The following KIFC2 variants were observed in gnomAD, a reference collection of about 807,000 sequenced individuals.
The protein encoded by KIFC2 is kinesin-like protein KIFC2.
KIFC2 carries 94 observed loss-of-function variants against 91.5 expected under a neutral mutation model. The observed-to-expected ratio is 1.03, with a 90% CI of 0.87 to 1.22. The LOEUF is 1.22. KIFC2 is among the 50% of genes most tolerant of loss of function. The pLI is 0.00. For missense variants in KIFC2, 1,357 were observed against 1,103.3 expected (o/e 1.23, Z -3.26); for synonymous variants, 729 against 503.9 (o/e 1.45, Z -5.98).
In KIFC2 at chr8:144,467,475, C is replaced by A. The variant is rs146057351; in HGVS notation, c.470-10C>A. ...CCTCTTCAGTGCTAACTGGGCCCACCCTACTCCAGGATCCACATCCCAAGA... is the reference window on the plus strand; with the variant it reads ...CCTCTTCAGTGCTAACTGGGCCCACACTACTCCAGGATCCACATCCCAAGA... On this transcript the variant is annotated splice_polypyrimidine_tract_variant and intron_variant, in intron 4 of 17. Transcript: ENST00000645548. The A allele has an allele frequency of 2.6e-6, 4 of 1,554,800 alleles. No individual in the cohort carries two copies. Among genetic ancestry groups the A allele is most frequent in the Non-Finnish European group, 1.7e-6 (2 of 1,153,652 alleles).
chr8:144,468,485 C>A, intron 8 of KIFC2, 51 bp from the exon 9 acceptor site: 1 of 1,309,238 alleles, frequency 7.6e-7, no homozygotes, highest in Non-Finnish European at 1.0e-6. Flanking sequence ...TGAGGCAGGG[C>A]CTGGTAAGTG....
intron 12 of KIFC2, 67 bp from the exon 13 acceptor site, chr8:144,471,875 C>T (rs1280264120): frequency 1.6e-5 from 23 of 1,436,414 alleles, no homozygotes; most frequent in Non-Finnish European, 2.2e-5. Flanking sequence ...CACTCCCCAC[C>T]CCACCAAATA....
In KIFC2 at chr8:144,473,279, C is replaced by G. The variant is rs761675816; in HGVS notation, c.2266C>G (p.Leu756Val). The G allele has an allele frequency of 1.9e-6, 3 of 1,606,172 alleles. No homozygotes were observed. The highest frequency in any genetic ancestry group is 4.5e-5 in the East Asian group (2 of 44,506). ...TPSSLSTDTP[L>V]TGTPCTPTPS... ...TTCTTCCCTCAGCACCGACACTCCG[C>G]TCACCGGGACCCCCTGCACCCCTAC... Residue 756 changes from leucine (L) to valine (V), a missense_variant, in exon 18 of 18, where the codon CTC (leucine) becomes GTC (valine). Leu to Val is a conservative substitution (Grantham distance 32, BLOSUM62 1). Transcript: ENST00000645548.
In KIFC2 at chr8:144,469,484, C is replaced by T; in HGVS notation, c.1223-6C>T. 1.2e-6 allele frequency: 2 copies of T among 1,613,998 alleles called. No homozygotes were observed. Among genetic ancestry groups the T allele is most frequent in the Non-Finnish European group, 1.7e-6 (2 of 1,180,012 alleles). ...AGGCATTATGCTGACCTGATCCCCACTGCAGGAAATATCCGTGTGCTGTGT... is the reference window on the plus strand; with the variant it reads ...AGGCATTATGCTGACCTGATCCCCATTGCAGGAAATATCCGTGTGCTGTGT... On this transcript the variant is annotated splice_region_variant and splice_polypyrimidine_tract_variant and intron_variant, in intron 11 of 17. Transcript: ENST00000645548.
Position 144,468,263 on chromosome 8 carries a change from C to T in KIFC2, c.811-66C>T, listed in dbSNP as rs1008015424. 20 of 1,430,198 alleles carry T rather than the reference C, an allele frequency of 1.4e-5. No homozygotes were observed. In the Middle Eastern group the frequency reaches 5.2e-4, roughly 37 times the overall value. 88.6% of individuals were successfully genotyped at this position (1,430,198 alleles called of 1,614,324 possible). A position where few individuals can be genotyped will look rare whatever the true frequency, so the allele number is the denominator to read the frequency against. On this transcript the variant is annotated intron_variant, in intron 7 of 17. Coordinates refer to ENST00000645548, the MANE Select transcript of KIFC2 (RefSeq NM_001369769.2). ...CTGCCCACCTCTTGACTTGACTTTC[C>T]CATCTGTGAAATGGTACCACAGACC...
intron 11 of KIFC2, 52 bp downstream of exon 11, chr8:144,469,431 G>A (rs1488016970): frequency 1.2e-6 from 2 of 1,612,660 alleles, no homozygotes; most frequent in Middle Eastern, 1.7e-4. Context: ...TGGAAGAAGT[G>A]CAGCTTCTCT....
Position 144,473,448 on chromosome 8 carries a change from T to C in KIFC2, c.*59T>C. 1.3e-6 allele frequency: 2 copies of C among 1,518,376 alleles called. No homozygotes were observed. Among genetic ancestry groups the C allele is most frequent in the Non-Finnish European group, 1.8e-6 (2 of 1,137,248 alleles). The allele number at this position is 1,518,376 out of a possible 1,614,324, so 94.1% of individuals were successfully genotyped here. On this transcript the variant is annotated 3_prime_UTR_variant, in exon 18 of 18. Coordinates refer to ENST00000645548, the MANE Select transcript of KIFC2 (RefSeq NM_001369769.2). The stretch of plus-strand genomic sequence containing the variant: ...GCCAGGTCTCTGCTGGCAGAGGCGG[T>C]AGTAAAGTCCCTGTACCCCGTCTCC...
In KIFC2 at chr8:144,474,183, G is replaced by A. The variant is rs192907579; in HGVS notation, c.*794G>A. 685 of 1,386,196 alleles carry A rather than the reference G, an allele frequency of 4.9e-4. 6 individuals are homozygous for A. In the East Asian group the frequency reaches 0.016, roughly 32 times the overall value. 85.9% of individuals were successfully genotyped at this position (1,386,196 alleles called of 1,614,324 possible). A position where few individuals can be genotyped will look rare whatever the true frequency, so the allele number is the denominator to read the frequency against. On this transcript the variant is annotated 3_prime_UTR_variant, in exon 18 of 18. Transcript: ENST00000645548. ...GACAGCCGCCTCGCCTTGGCTCCCTGTCAACAAGGTGGGGGTGGGAGCGGG... is the reference window on the plus strand; with the variant it reads ...GACAGCCGCCTCGCCTTGGCTCCCTATCAACAAGGTGGGGGTGGGAGCGGG...
chr8:144,466,728 C>A (rs917553876), intron 1 of KIFC2, 32 bp from the exon 2 acceptor site: 6 of 1,489,932 alleles, frequency 4.0e-6, no homozygotes, highest in Non-Finnish European at 4.5e-6. Context: ...TGCCTGCCCC[C>A]CTCCTCAGGG....
rs1287413543 is a variant in KIFC2 at position 144,466,344 on chromosome 8, C to CGGCG, written c.-67_-64dup. 1.4e-5 allele frequency: 7 copies of CGGCG among 495,640 alleles called. No homozygotes were observed. The East Asian group carries it at 3.9e-4, about 27-fold the overall frequency. The allele number at this position is 495,640 out of a possible 1,614,324, so 30.7% of individuals were successfully genotyped here. On this transcript the variant is annotated 5_prime_UTR_variant, in exon 1 of 18. Coordinates refer to ENST00000645548, the MANE Select transcript of KIFC2 (RefSeq NM_001369769.2). ...GTCGCGAGCATGCGCACCGGCACTG[C>CGGCG]GGCGGGCGGGCGCCGAGTCTGGGCG...
At position 144,473,579 on chromosome 8, in the gene KIFC2, C is replaced by A; in HGVS notation, c.*190C>A. ...AGTGTGTTGTGCCTGCTGAAGTGAT[C>A]ACCCCCCGCCCCCAGCCCTGCATCA... On this transcript the variant is annotated 3_prime_UTR_variant, in exon 18 of 18. Coordinates refer to ENST00000645548, the MANE Select transcript of KIFC2 (RefSeq NM_001369769.2). The A allele has an allele frequency of 1.2e-6, 1 of 823,854 alleles. No individual in the cohort carries two copies. The highest frequency in any genetic ancestry group is 1.8e-6 in the Non-Finnish European group (1 of 562,608). The allele number at this position is 823,854 out of a possible 1,614,324, so 51.0% of individuals were successfully genotyped here.
intron 6 of KIFC2, 34 bp from the exon 7 acceptor site, chr8:144,467,825 C>T (rs377308274): frequency 1.8e-5 from 29 of 1,613,454 alleles, no homozygotes; most frequent in Middle Eastern, 1.7e-4. Context: ...GGAGGGGGTG[C>T]TTCAGGTGAG....
rs564708590 is a variant in KIFC2 at position 144,467,492 on chromosome 8, A to G, written c.477A>G (p.Thr159=). 1.4e-5 allele frequency: 22 copies of G among 1,568,442 alleles called. No individual in the cohort carries two copies. In the East Asian group the frequency reaches 2.2e-4, roughly 16 times the overall value. ...RVRPPSPDGS[T]SQEESPSHFT... is the part of the protein sequence containing the mutation. ...GGGCCCACCCTACTCCAGGATCCAC[A>G]TCCCAAGAAGAAAGCCCTTCCCACT... is the stretch of plus-strand genomic sequence containing the variant. Residue 159 remains threonine (T), a synonymous_variant, in exon 5 of 18, where the codon ACA becomes ACG. Coordinates refer to ENST00000645548, the MANE Select transcript of KIFC2 (RefSeq NM_001369769.2).
In KIFC2 at chr8:144,466,952, C is replaced by A. The variant is rs757646155; in HGVS notation, c.179-7C>A. On this transcript the variant is annotated splice_region_variant and splice_polypyrimidine_tract_variant and intron_variant, in intron 2 of 17. Coordinates refer to ENST00000645548, the MANE Select transcript of KIFC2 (RefSeq NM_001369769.2). Reference sequence around the variant, plus strand: ...AAATGTCTCCCGCCCTCCTCCCTGACCGGCAGCCAGCTCCGAGCCTGAGGA... The same window carrying A: ...AAATGTCTCCCGCCCTCCTCCCTGAACGGCAGCCAGCTCCGAGCCTGAGGA... The A allele has an allele frequency of 1.3e-6, 2 of 1,590,200 alleles. No individual in the cohort carries two copies. The highest frequency in any genetic ancestry group is 1.7e-6 in the Non-Finnish European group (2 of 1,175,382).
In KIFC2 at chr8:144,467,618, C is replaced by T. The variant is rs769795814; in HGVS notation, c.603C>T (p.Leu201=). The T allele has an allele frequency of 1.4e-5, 22 of 1,593,866 alleles. No individual in the cohort carries two copies. The highest frequency in any genetic ancestry group is 1.9e-5 in the Non-Finnish European group (22 of 1,169,550). ...DQRAWQRLEQ[L]ILGQLEELKQ... ...GGGCGTGGCAGCGGCTGGAGCAGCT[C>T]ATCCTGGGACAGGTGAGGTCCCTGG... The change falls in exon 5 of 18, where the codon CTC becomes CTT. Residue 201 remains leucine (L), a synonymous_variant. Transcript: ENST00000645548.
rs1430416147 is a variant in KIFC2, at chr8:144,472,842, G to A, written c.1909G>A (p.Ala637Thr). The A allele has an allele frequency of 6.4e-7, 1 of 1,560,380 alleles. No individual in the cohort carries two copies. The highest frequency in any genetic ancestry group is 1.2e-5 in the South Asian group (1 of 86,898). The change falls in exon 17 of 18, where the codon GCA becomes ACA. Residue 637 changes from alanine to threonine, a missense_variant. Physicochemically the swap from Ala to Thr is moderately conservative, Grantham distance 58. Transcript: ENST00000645548. ...DLAGSERARKAGAAGPPRGDP... is the reference protein window; with the variant it reads ...DLAGSERARKTGAAGPPRGDP... The stretch of plus-strand genomic sequence containing the variant: ...GGCGGGATCCGAACGCGCACGGAAG[G>A]CAGGGGCGGCCGGCCCGCCGCGGGG...
At chr8:144,470,540 G>A (rs532345307) in intron 12 of KIFC2, 1 of 152,272 alleles carries the variant, frequency 6.6e-6, no homozygotes, top group Non-Finnish European at 1.5e-5. Flanking sequence ...TGACCACACA[G>A]AACACAGAAT....
At chr8:144,471,164 CGCGT>C (rs1371186171) in intron 12 of KIFC2, among the ~76,000 whole-genome samples, 1 of 152,026 alleles carries the variant, frequency 6.6e-6, no homozygotes, top group African/African-American at 2.4e-5. Flanking sequence ...GGGGTTTCAC[CGCGT>C]TTGCCAGGCT....
chr8:144,468,124 C>A, intron 7 of KIFC2, 137 bp downstream of exon 7: 2 of 1,202,660 alleles, frequency 1.7e-6, no homozygotes, highest in Non-Finnish European at 2.3e-6. Context: ...AGGCTGATGC[C>A]AATGGGAAGA....
Sources: gnomAD v4.1 joint callset for allele counts (sites outside exome capture counted in the v4.1 genomes callset) on GRCh38, gnomAD v4.1.1 for gene constraint, MANE v1.5 for transcripts, NCBI Gene and HGNC (gene_info 2026-07-23, HGNC 2026-07-21) for gene names.